The following FBLIM1 variants were observed in gnomAD, a reference collection of about 807,000 sequenced individuals.
The protein encoded by FBLIM1 is filamin-binding LIM protein 1.
In FBLIM1, 29 loss-of-function variants were observed where a neutral mutation model predicts 37.4. The observed-to-expected ratio is 0.77, with a 90% CI of 0.58 to 1.06. The LOEUF is 1.06. Ranked by LOEUF, FBLIM1 falls within the 50% of genes least tolerant of loss-of-function variation. FBLIM1 has a pLI of 0.00. For synonymous variants in FBLIM1, 193 were observed against 199.0 expected (o/e 0.97, Z 0.25); for missense variants, 449 against 505.6 (o/e 0.89, Z 1.07).
rs938022937 is a variant in FBLIM1, at chr1:15,773,060, A to G, written c.712-1558A>G. Among the ~76,000 whole-genome samples, 10 of 152,162 alleles carry G rather than the reference A, an allele frequency of 6.6e-5. No homozygotes were observed. In the Middle Eastern group the frequency reaches 0.014, roughly 207 times the overall value. ...CTCAGCCTCCCAAAGTCCAGGGATT[A>G]CAGGCATAAGCCACCTTGCCTGGCG... is the stretch of plus-strand genomic sequence containing the variant. On this transcript the variant is annotated intron_variant, in intron 6 of 8. Transcript: ENST00000375766.
chr1:15,763,621 G>A (rs1044456355), intron 1 of FBLIM1, among the ~76,000 whole-genome samples: 4 of 151,662 alleles, frequency 2.6e-5, no homozygotes, highest in Admixed American at 1.3e-4. Context: ...GGGCAACAGA[G>A]CAAGATTCCG....
intron 7 of FBLIM1, among the ~76,000 whole-genome samples, chr1:15,775,496 C>T (rs2069456791): frequency 6.6e-6 from 1 of 150,672 alleles, no homozygotes; most frequent in Admixed American, 6.6e-5. Flanking sequence ...GATCGCACCA[C>T]TGCACTCCAG....
upstream of FBLIM1, chr1:15,756,861 A>G: frequency 6.6e-6 from 1 of 152,402 alleles, no homozygotes. Flanking sequence ...TTGCCTCACT[A>G]TCCCACCTGG....
chr1:15,776,736 C>T (rs190855047), intron 7 of FBLIM1, among the ~76,000 whole-genome samples: 8 of 151,932 alleles, frequency 5.3e-5, no homozygotes, highest in Middle Eastern at 6.8e-3. Flanking sequence ...GTGGTGCCTG[C>T]CTGTAGTCCC....
chr1:15,760,810 G>C (rs1054946898), intron 1 of FBLIM1, among the ~76,000 whole-genome samples: 4 of 152,154 alleles, frequency 2.6e-5, no homozygotes, highest in African/African-American at 9.7e-5. Context: ...CGCTCTCTGG[G>C]GGAGGAAGAG....
At chr1:15,773,013 T>A (rs1375367126) in intron 6 of FBLIM1, among the ~76,000 whole-genome samples, 1 of 151,866 alleles carries the variant, frequency 6.6e-6, no homozygotes, top group African/African-American at 2.4e-5. Context: ...CTGGAACTCC[T>A]GACCTCAGGA....
chr1:15,777,536 C>T (rs1468116235), intron 8 of FBLIM1, among the ~76,000 whole-genome samples: 1 of 150,990 alleles, frequency 6.6e-6, no homozygotes, highest in African/African-American at 2.4e-5. Flanking sequence ...GCTGGGATCA[C>T]TGATGGTATT....
chr1:15,775,134 G>A (rs1442821411), intron 7 of FBLIM1: 2 of 399,686 alleles, frequency 5.0e-6, no homozygotes, highest in African/African-American at 2.1e-5. Context: ...GCAGGAGAAT[G>A]GCGTGAACCT....
At chr1:15,781,819 C>T (rs567817239) in intron 8 of FBLIM1, among the ~76,000 whole-genome samples, 7 of 148,566 alleles carry the variant, frequency 4.7e-5, no homozygotes, top group East Asian at 4.2e-4. Context: ...CCCGGGTTCA[C>T]GCCATTCTCC....
upstream of FBLIM1, chr1:15,758,540 T>A (rs2068504524): frequency 7.0e-6 from 1 of 142,714 alleles, no homozygotes; most frequent in Non-Finnish European, 1.6e-5. The surrounding 1 kb of genome is among the most constrained non-coding windows in gnomAD (Gnocchi z 6.2). Flanking sequence ...TTCCCCCCCA[T>A]TCCCACCCCC....
intron 1 of FBLIM1, among the ~76,000 whole-genome samples, chr1:15,760,982 C>A (rs899745188): frequency 6.6e-6 from 1 of 152,284 alleles, no homozygotes; most frequent in East Asian, 1.9e-4. Context: ...CAGCTTAGAC[C>A]CCCTGGGGCC....
Position 15,786,381 on chromosome 1 carries a change from C to T in FBLIM1, c.*1720C>T, listed in dbSNP as rs531456100. On this transcript the variant is annotated 3_prime_UTR_variant, in exon 9 of 9. Coordinates refer to ENST00000375766, the MANE Select transcript of FBLIM1 (RefSeq NM_017556.4). ...GCCCTGAGCCTAGAGCAGGGAGTCC[C>T]GAACTTCTGCATTCACAGACCACCT... 1 of 152,290 alleles carries T rather than the reference C, an allele frequency of 6.6e-6. No homozygotes were observed. The highest frequency in any genetic ancestry group is 6.5e-5 in the Admixed American group (1 of 15,284). The allele number at this position is 152,290 out of a possible 1,614,324, so 9.4% of individuals were successfully genotyped here.
At chr1:15,762,104 T>C (rs886579656) in intron 1 of FBLIM1, among the ~76,000 whole-genome samples, 6 of 151,724 alleles carry the variant, frequency 4.0e-5, no homozygotes, top group African/African-American at 1.5e-4. Flanking sequence ...TTTTTTTTTT[T>C]TCGAGACAGA....
At position 15,765,396 on chromosome 1, in the gene FBLIM1, G is replaced by A. The variant is rs982499659; in HGVS notation, c.250+163G>A. On this transcript the variant is annotated intron_variant, in intron 3 of 8. Transcript: ENST00000375766. The surrounding 1 kb of genome is among the most constrained non-coding windows in gnomAD (Gnocchi z 5.9). ...CCCTTCTGGGTGGGCAAGGGAGCCC[G>A]GGAAATAGAGGCTAGATGTCAGAAT... 2.0e-5 allele frequency among the ~76,000 whole-genome samples: 3 copies of A among 152,110 alleles called. No homozygotes were observed. Among genetic ancestry groups the A allele is most frequent in the Admixed American group, 6.5e-5 (1 of 15,268 alleles).
chr1:15,786,254 C>T lies in FBLIM1; in HGVS notation c.*1593C>T, dbSNP rs2069764228. 6.6e-6 allele frequency: 1 copy of T among 152,260 alleles called. No homozygotes were observed. The highest frequency in any genetic ancestry group is 2.1e-4 in the South Asian group (1 of 4,828). 9.4% of individuals were successfully genotyped at this position (152,260 alleles called of 1,614,324 possible). A position where few individuals can be genotyped will look rare whatever the true frequency, so the allele number is the denominator to read the frequency against. On this transcript the variant is annotated 3_prime_UTR_variant, in exon 9 of 9. Transcript: ENST00000375766. ...CAAGTTAAACAGAATGTGCTTCCCT[C>T]CCTGGGGTCTCACACGCTCCCACGA...
At position 15,784,540 on chromosome 1, in the gene FBLIM1, C is replaced by T. The variant is rs777219169; in HGVS notation, c.1009-8C>T. 7 of 1,611,490 alleles carry T rather than the reference C, an allele frequency of 4.3e-6. No individual in the cohort carries two copies. The South Asian group carries it at 7.7e-5, about 18-fold the overall frequency. On this transcript the variant is annotated splice_polypyrimidine_tract_variant and splice_region_variant and intron_variant, in intron 8 of 8. Coordinates refer to ENST00000375766, the MANE Select transcript of FBLIM1 (RefSeq NM_017556.4). ...AGGGCGGGTCAGCATGTGTCTTTGT[C>T]TCCCCAGGACTGCAGGATCCTCCTG...
At chr1:15,777,572 ATTTTTT>A (rs35178526) in intron 8 of FBLIM1, among the ~76,000 whole-genome samples, 2 of 121,588 alleles carry the variant, frequency 1.6e-5, no homozygotes, top group Non-Finnish European at 3.4e-5. Flanking sequence ...GACTCTCTCC[ATTTTTT>A]TTTTTTTTTT....
At chr1:15,777,315 C>A in intron 8 of FBLIM1, 28 bp downstream of exon 8, 2 of 1,541,470 alleles carry the variant, frequency 1.3e-6, no homozygotes, top group Non-Finnish European at 1.8e-6. Context: ...GGTTTAATAA[C>A]ATTCCATTGC....
chr1:15,767,436 T>TCC lies in FBLIM1; in HGVS notation c.313_314dup (p.Pro106HisfsTer29). 1 of 1,209,880 alleles carries TCC rather than the reference T, an allele frequency of 8.3e-7. No individual in the cohort carries two copies. Among genetic ancestry groups the TCC allele is most frequent in the Non-Finnish European group, 1.1e-6 (1 of 893,886 alleles). The allele number at this position is 1,209,880 out of a possible 1,614,324, so 74.9% of individuals were successfully genotyped here. On this transcript the variant is annotated frameshift_variant, in exon 4 of 9. Coordinates refer to ENST00000375766, the MANE Select transcript of FBLIM1 (RefSeq NM_017556.4). LOFTEE classifies it high-confidence loss of function. ...GACGTGCTTCCTGACCTGGACCTCC[T>TCC]CCCACCCCCTCCACCGCCCCCTCCA...
Sources: gnomAD v4.1 joint callset for allele counts (sites outside exome capture counted in the v4.1 genomes callset) on GRCh38, gnomAD v4.1.1 for gene constraint, Gnocchi (gnomAD v3.1) non-coding constraint, MANE v1.5 for transcripts, NCBI Gene and HGNC (gene_info 2026-07-23, HGNC 2026-07-21) for gene names.